Variants in SNCAIP observed in about 807,000 individuals in gnomAD.
SNCAIP encodes synphilin-1.
A neutral mutation model predicts 86.7 loss-of-function variants in SNCAIP; 43 were observed. The ratio of observed to expected loss-of-function variants is 0.50; its 90% CI spans 0.39 to 0.64. The LOEUF (loss-of-function observed/expected upper bound fraction) is 0.64, where lower values mean the gene tolerates loss of function less well. SNCAIP is among the 30% of genes least tolerant of loss of function. SNCAIP has a pLI of 0.00. For missense variants in SNCAIP, 981 were observed against 1,103.1 expected (o/e 0.89, Z 1.57); for synonymous variants, 417 against 427.2 (o/e 0.98, Z 0.29).
At chr5:122,427,001 T>C (rs1477992251) in intron 5 of SNCAIP, among the ~76,000 whole-genome samples, 1 of 152,192 alleles carries the variant, frequency 6.6e-6, no homozygotes, top group African/African-American at 2.4e-5. Context: ...ATTTGGGATA[T>C]AGCCCTGTGA....
At chr5:122,398,877 A>T (rs1771186279) in intron 2 of SNCAIP, among the ~76,000 whole-genome samples, 1 of 152,148 alleles carries the variant, frequency 6.6e-6, no homozygotes, top group Non-Finnish European at 1.5e-5. Flanking sequence ...CACTGTCATT[A>T]TGAATCTCAT....
chr5:122,374,238 A>G (rs778836611), intron 1 of SNCAIP, among the ~76,000 whole-genome samples: 1 of 152,130 alleles, frequency 6.6e-6, no homozygotes, highest in Non-Finnish European at 1.5e-5. Context: ...TCAGTATTTT[A>G]TTAATGTTGC....
At chr5:122,444,194 AG>A (rs1299132124) in intron 7 of SNCAIP, 1 of 467,630 alleles carries the variant, frequency 2.1e-6, no homozygotes, top group African/African-American at 2.0e-5. Context: ...AAATGAGAAC[AG>A]GTAAGATTCC....
intron 3 of SNCAIP, among the ~76,000 whole-genome samples, chr5:122,414,432 T>G (rs535997689): frequency 6.6e-6 from 1 of 152,194 alleles, no homozygotes; most frequent in Non-Finnish European, 1.5e-5. Flanking sequence ...GGTTTCACCA[T>G]GTTGGCCAGG....
Position 122,341,551 on chromosome 5 carries a change from G to A in SNCAIP, c.-47+29267G>A, listed in dbSNP as rs918275949. On this transcript the variant is annotated intron_variant, in intron 1 of 10. Transcript: ENST00000261368. Reference sequence around the variant, plus strand: ...CTTAAAGATTCAGGTTTAATCCTTCGAAAATTAACCCAATCCCAGGCTTTA... The same window carrying A: ...CTTAAAGATTCAGGTTTAATCCTTCAAAAATTAACCCAATCCCAGGCTTTA... Among the ~76,000 whole-genome samples the A allele has an allele frequency of 2.6e-5, 4 of 152,118 alleles. No homozygotes were observed. The East Asian group carries it at 5.8e-4, about 22-fold the overall frequency.
intron 1 of SNCAIP, among the ~76,000 whole-genome samples, chr5:122,377,899 A>G (rs1765714604): frequency 1.3e-5 from 2 of 151,826 alleles, no homozygotes; most frequent in South Asian, 4.2e-4. Context: ...ATAGTATTCC[A>G]TGGTGTATAT....
Position 122,450,770 on chromosome 5 carries a change from ATTCCAGGAT to A in SNCAIP, c.1924_1932del (p.Phe642_Asp644del). On this transcript the variant is annotated inframe_deletion, in exon 10 of 11. Transcript: ENST00000261368. The stretch of plus-strand genomic sequence containing the variant: ...GCACCCAGGAAAAACTGTCCTTGGA[ATTCCAGGAT>A]GCTCAGGCTTCCTCTAGAAATTCTA... 5.0e-6 allele frequency: 8 copies of A among 1,614,116 alleles called. No individual in the cohort carries two copies. Among genetic ancestry groups the A allele is most frequent in the Non-Finnish European group, 6.8e-6 (8 of 1,179,968 alleles).
At position 122,318,273 on chromosome 5, in the gene SNCAIP, A is replaced by G. The variant is rs186473087; in HGVS notation, c.-47+5989A>G. 5.9e-5 allele frequency among the ~76,000 whole-genome samples: 9 copies of G among 152,282 alleles called. No homozygotes were observed. The East Asian group carries it at 1.5e-3, about 26-fold the overall frequency. Reference sequence around the variant, plus strand: ...TTGTTTCTTCTTTCTCAAACTATGAACTATTAAACATTTACTTATCCTTCC... The same window carrying G: ...TTGTTTCTTCTTTCTCAAACTATGAGCTATTAAACATTTACTTATCCTTCC... On this transcript the variant is annotated intron_variant, in intron 1 of 10. Transcript: ENST00000261368.
At position 122,326,737 on chromosome 5, in the gene SNCAIP, T is replaced by C. The variant is rs546138857; in HGVS notation, c.-47+14453T>C. Among the ~76,000 whole-genome samples, 5 of 149,644 alleles carry C rather than the reference T, an allele frequency of 3.3e-5. No homozygotes were observed. In the Admixed American group the frequency reaches 3.4e-4, roughly 10 times the overall value. On this transcript the variant is annotated intron_variant, in intron 1 of 10. Coordinates refer to ENST00000261368, the MANE Select transcript of SNCAIP (RefSeq NM_005460.4). Reference sequence around the variant, plus strand: ...AGATTGTCCCTTCTGTGTAAGGAGCTGAGTAGACAAAAACAAATATCTTGT... The same window carrying C: ...AGATTGTCCCTTCTGTGTAAGGAGCCGAGTAGACAAAAACAAATATCTTGT...
At chr5:122,456,853 G>A (rs1181997614) in intron 10 of SNCAIP, among the ~76,000 whole-genome samples, 2 of 152,174 alleles carry the variant, frequency 1.3e-5, no homozygotes, top group African/African-American at 4.8e-5. Context: ...CATCCTTCCA[G>A]AGACAGACAA....
intron 1 of SNCAIP, among the ~76,000 whole-genome samples, chr5:122,360,548 G>C (rs1414489465): frequency 6.6e-6 from 1 of 152,136 alleles, no homozygotes; most frequent in Non-Finnish European, 1.5e-5. Flanking sequence ...TTCTTCACCA[G>C]TTCTTGCTCT....
chr5:122,398,859 A>C (rs1771181180), intron 2 of SNCAIP, among the ~76,000 whole-genome samples: 1 of 152,170 alleles, frequency 6.6e-6, no homozygotes, highest in Non-Finnish European at 1.5e-5. Flanking sequence ...CCCAACGTAG[A>C]AATCACGCAC....
At chr5:122,348,457 G>T (rs929497101) in intron 1 of SNCAIP, among the ~76,000 whole-genome samples, 4 of 152,106 alleles carry the variant, frequency 2.6e-5, no homozygotes, top group African/African-American at 9.7e-5. Context: ...ATTCACTGAT[G>T]AAATGACTAG....
chr5:122,456,163 G>A (rs535260666), intron 10 of SNCAIP, among the ~76,000 whole-genome samples: 12 of 152,266 alleles, frequency 7.9e-5, no homozygotes, highest in Admixed American at 2.6e-4. Flanking sequence ...GTTAGGAAAC[G>A]CCTAATCCTA....
At chr5:122,430,462 T>A (rs1778188981) in intron 5 of SNCAIP, among the ~76,000 whole-genome samples, 1 of 152,200 alleles carries the variant, frequency 6.6e-6, no homozygotes, top group Non-Finnish European at 1.5e-5. Flanking sequence ...GTTACTATTA[T>A]CCCTGCTATT....
At chr5:122,341,543 A>C (rs772848318) in intron 1 of SNCAIP, among the ~76,000 whole-genome samples, 1 of 152,204 alleles carries the variant, frequency 6.6e-6, no homozygotes, top group Non-Finnish European at 1.5e-5. Context: ...ATTCAGGTTT[A>C]ATCCTTCGAA....
intron 1 of SNCAIP, among the ~76,000 whole-genome samples, chr5:122,382,024 G>A (rs964893575): frequency 6.6e-5 from 10 of 151,858 alleles, no homozygotes; most frequent in South Asian, 2.1e-4. Context: ...TGTGTCTTGG[G>A]GTTGCTCTTC....
chr5:122,407,335 C>T (rs1394432872), intron 3 of SNCAIP, among the ~76,000 whole-genome samples: 1 of 152,122 alleles, frequency 6.6e-6, no homozygotes, highest in African/African-American at 2.4e-5. Context: ...CAGGAATGAG[C>T]TTAGCAAGTA....
chr5:122,361,949 T>A (rs754720490), intron 1 of SNCAIP, among the ~76,000 whole-genome samples: 1 of 152,214 alleles, frequency 6.6e-6, no homozygotes, highest in African/African-American at 2.4e-5. Context: ...TCCTAGGGGA[T>A]AGATTCAGTT....
Sources: gnomAD v4.1 joint callset for allele counts (sites outside exome capture counted in the v4.1 genomes callset) on GRCh38, gnomAD v4.1.1 for gene constraint, MANE v1.5 for transcripts, NCBI Gene and HGNC (gene_info 2026-07-23, HGNC 2026-07-21) for gene names.